The following MYLK variants were observed in gnomAD, a reference collection of about 807,000 sequenced individuals.
The protein encoded by MYLK is myosin light chain kinase, smooth muscle.
MYLK carries 106 observed loss-of-function variants against 203.4 expected under a neutral mutation model. The ratio of observed to expected loss-of-function variants is 0.52; its 90% CI spans 0.45 to 0.61. MYLK has a LOEUF of 0.61. MYLK is among the 20% of genes least tolerant of loss of function. The probability of loss-of-function intolerance (pLI) is 0.00; values close to 1 mark genes in which losing one functional copy is unlikely to be tolerated. For synonymous variants in MYLK, 867 were observed against 959.5 expected (o/e 0.90, Z 1.78); for missense variants, 2,072 against 2,442.3 (o/e 0.85, Z 3.20).
At chr3:123,874,405 C>T (rs2033017313) in intron 2 of MYLK, among the ~76,000 whole-genome samples, 1 of 152,132 alleles carries the variant, frequency 6.6e-6, no homozygotes, top group Non-Finnish European at 1.5e-5. Flanking sequence ...ATAATCTTTT[C>T]ATTGTGGTGC....
intron 3 of MYLK, among the ~76,000 whole-genome samples, chr3:123,820,648 T>TTCCTTCCTTCCTTCCC (rs2065899617): frequency 4.6e-5 from 6 of 129,368 alleles, no homozygotes; most frequent in African/African-American, 1.4e-4. Context: ...CCTTCCCTCC[T>TTCCTTCCTTCCTTCCC]TCCTTCCTTC....
intron 29 of MYLK, among the ~76,000 whole-genome samples, chr3:123,631,593 G>C (rs768670225): frequency 6.6e-6 from 1 of 152,176 alleles, no homozygotes. Context: ...GAAAAAGCTT[G>C]CCATGGGAGG....
intron 2 of MYLK, among the ~76,000 whole-genome samples, chr3:123,845,123 G>A (rs1388728159): frequency 1.3e-5 from 2 of 152,098 alleles, no homozygotes; most frequent in Non-Finnish European, 2.9e-5. Flanking sequence ...CAAACTTCTG[G>A]GTTCTAGTCC....
intron 4 of MYLK, among the ~76,000 whole-genome samples, chr3:123,778,917 C>T (rs573446942): frequency 9.8e-4 from 150 of 152,346 alleles, no homozygotes; most frequent in African/African-American, 3.5e-3. Context: ...AGTGCCTCCA[C>T]GAATGATTCC....
At chr3:123,867,079 C>T (rs2032380180) in intron 2 of MYLK, among the ~76,000 whole-genome samples, 1 of 152,028 alleles carries the variant, frequency 6.6e-6, no homozygotes, top group African/African-American at 2.4e-5. Context: ...TGTGACAAAT[C>T]CTTAGGGTAA....
chr3:123,716,543 G>A (rs2061901443), intron 13 of MYLK: 1 of 152,236 alleles, frequency 6.6e-6, no homozygotes, highest in Non-Finnish European at 1.5e-5. Flanking sequence ...AGGGTTGCTA[G>A]CTGGGAAGCA....
chr3:123,777,687 G>C (rs2064131409), intron 4 of MYLK, among the ~76,000 whole-genome samples: 1 of 152,224 alleles, frequency 6.6e-6, no homozygotes, highest in African/African-American at 2.4e-5. Flanking sequence ...GCAGACGATA[G>C]TGGTGATCTG....
intron 2 of MYLK, among the ~76,000 whole-genome samples, chr3:123,842,462 C>T (rs1024473834): frequency 6.6e-6 from 1 of 152,118 alleles, no homozygotes; most frequent in Non-Finnish European, 1.5e-5. Context: ...AAATTTGTCA[C>T]CATGGGCAAA....
chr3:123,665,436 G>GACCA (rs1456083756), intron 22 of MYLK, among the ~76,000 whole-genome samples: 1 of 152,204 alleles, frequency 6.6e-6, no homozygotes, highest in Non-Finnish European at 1.5e-5. Context: ...CATCTTTTGA[G>GACCA]ACCAACCCTA....
intron 29 of MYLK, among the ~76,000 whole-genome samples, chr3:123,633,831 G>A (rs1185189709): frequency 6.6e-6 from 1 of 151,856 alleles, no homozygotes; most frequent in Non-Finnish European, 1.5e-5. Context: ...TACACTTTCT[G>A]TGTGTGTGTG....
At chr3:123,770,416 G>A (rs1377625921) in intron 4 of MYLK, among the ~76,000 whole-genome samples, 1 of 152,224 alleles carries the variant, frequency 6.6e-6, no homozygotes, top group Non-Finnish European at 1.5e-5. Flanking sequence ...CAAAATTAGT[G>A]TGGAAGGGCA....
Position 123,704,777 on chromosome 3 carries a change from G to A in MYLK, c.2390+2977C>T, listed in dbSNP as rs1406324229. On this transcript the variant is annotated intron_variant, in intron 16 of 33. Transcript: ENST00000360304. ...AAAAAAAAAAAAAAAAAAATTAGCCGGGCGTGGTGGTAGGCACCTGTAGTC... is the reference window on the plus strand; with the variant it reads ...AAAAAAAAAAAAAAAAAAATTAGCCAGGCGTGGTGGTAGGCACCTGTAGTC... Among the ~76,000 whole-genome samples, 182 of 149,372 alleles carry A rather than the reference G, an allele frequency of 1.2e-3. 1 individual carries two copies. Among genetic ancestry groups the A allele is most frequent in the East Asian group, 1.0e-3 (5 of 4,980 alleles).
intron 2 of MYLK, among the ~76,000 whole-genome samples, chr3:123,859,647 G>C (rs2031718809): frequency 6.6e-6 from 1 of 152,190 alleles, no homozygotes; most frequent in Non-Finnish European, 1.5e-5. Context: ...ATCATATGAA[G>C]AGCTTCTATA....
At chr3:123,810,262 G>A (rs923454647) in intron 3 of MYLK, among the ~76,000 whole-genome samples, 7 of 152,156 alleles carry the variant, frequency 4.6e-5, no homozygotes, top group Admixed American at 1.3e-4. Context: ...CAGAATGGCC[G>A]TGTTTCCCGT....
chr3:123,775,224 C>T (rs1314690250), intron 4 of MYLK, among the ~76,000 whole-genome samples: 3 of 152,078 alleles, frequency 2.0e-5, no homozygotes, highest in African/African-American at 7.2e-5. Flanking sequence ...GAGACTGGGT[C>T]TTGCTTTGCT....
chr3:123,851,529 G>A (rs1440625215), intron 2 of MYLK, among the ~76,000 whole-genome samples: 1 of 61,952 alleles, frequency 1.6e-5, no homozygotes, highest in African/African-American at 7.8e-5. Context: ...GTTCACTGAT[G>A]ATTTGCCTCT....
chr3:123,874,111 T>C (rs1267202911), intron 2 of MYLK, among the ~76,000 whole-genome samples: 2 of 152,132 alleles, frequency 1.3e-5, no homozygotes, highest in Non-Finnish European at 2.9e-5. Context: ...ACCAACAGAC[T>C]TCCATCAGGA....
At chr3:123,625,043 T>C (rs1427421237) in intron 31 of MYLK, 3 of 152,222 alleles carry the variant, frequency 2.0e-5, no homozygotes, top group Non-Finnish European at 4.4e-5. Context: ...GTCCCTTGAG[T>C]ATCCAGCTAA....
chr3:123,843,204 T>C (rs1211297926), intron 2 of MYLK, among the ~76,000 whole-genome samples: 1 of 152,168 alleles, frequency 6.6e-6, no homozygotes, highest in Non-Finnish European at 1.5e-5. Flanking sequence ...AAAGCAAAGA[T>C]GCCGAAGACC....
Sources: gnomAD v4.1 joint callset for allele counts (sites outside exome capture counted in the v4.1 genomes callset) on GRCh38, gnomAD v4.1.1 for gene constraint, MANE v1.5 for transcripts, NCBI Gene and HGNC (gene_info 2026-07-23, HGNC 2026-07-21) for gene names.